The following UMAD1 variants were observed in gnomAD, a reference collection of about 807,000 sequenced individuals.
The protein encoded by UMAD1 is UBAP1-MVB12-associated (UMA)-domain containing protein 1.
A neutral mutation model predicts 6.1 loss-of-function variants in UMAD1; 8 were observed. The observed-to-expected ratio is 1.30, with a 90% CI of 0.76 to 2.35. UMAD1 has a LOEUF of 2.35. Among genes scored for constraint, UMAD1 ranks in the 30% most tolerant of loss-of-function variants. The probability of loss-of-function intolerance (pLI) is 0.00; values close to 1 mark genes in which losing one functional copy is unlikely to be tolerated. For missense variants in UMAD1, 130 were observed against 78.4 expected (o/e 1.66, Z -2.49); for synonymous variants, 56 against 31.4 (o/e 1.78, Z -2.61).
At chr7:7,673,052 T>C (rs1486993862) in intron 1 of UMAD1, among the ~76,000 whole-genome samples, 1 of 152,194 alleles carries the variant, frequency 6.6e-6, no homozygotes, top group Admixed American at 6.5e-5. Context: ...TATGTAGGGA[T>C]TTCCTGGGTT....
intron 3 of UMAD1, among the ~76,000 whole-genome samples, chr7:7,864,511 C>A (rs1784188441): frequency 6.6e-6 from 1 of 151,530 alleles, no homozygotes; most frequent in Non-Finnish European, 1.5e-5. Context: ...CGCAGACACG[C>A]CAGTTCTTCT....
At chr7:7,775,817 G>A (rs768843606) in intron 2 of UMAD1, among the ~76,000 whole-genome samples, 1 of 152,104 alleles carries the variant, frequency 6.6e-6, no homozygotes, top group Non-Finnish European at 1.5e-5. Context: ...CAGGAGAAAT[G>A]AAAAAATATA....
chr7:7,772,936 A>C (rs1182564063), intron 2 of UMAD1, among the ~76,000 whole-genome samples: 1 of 138,910 alleles, frequency 7.2e-6, no homozygotes, highest in Non-Finnish European at 1.7e-5. Context: ...CCTTAAATTT[A>C]TTCATTTTTT....
intron 2 of UMAD1, among the ~76,000 whole-genome samples, chr7:7,703,116 T>G (rs561830348): frequency 2.3e-4 from 35 of 152,324 alleles, no homozygotes; most frequent in African/African-American, 8.2e-4. Context: ...GAATGACTCT[T>G]CATATAATTG....
chr7:7,828,883 A>G (rs1783403542), intron 3 of UMAD1, among the ~76,000 whole-genome samples: 1 of 152,310 alleles, frequency 6.6e-6, no homozygotes, highest in African/African-American at 2.4e-5. Flanking sequence ...GTCAAATTCA[A>G]AAGTTTGAAC....
intron 3 of UMAD1, among the ~76,000 whole-genome samples, chr7:7,864,695 A>G (rs1243342588): frequency 6.6e-6 from 1 of 151,432 alleles, no homozygotes; most frequent in African/African-American, 2.4e-5. Flanking sequence ...TCCATGTTGT[A>G]ACATTGAATA....
chr7:7,847,938 C>T (rs1488680446), intron 3 of UMAD1, among the ~76,000 whole-genome samples: 1 of 152,102 alleles, frequency 6.6e-6, no homozygotes, highest in African/African-American at 2.4e-5. Context: ...CATGTAGCTA[C>T]AAAATTCTTA....
chr7:7,789,744 C>G (rs1033347097), intron 2 of UMAD1, among the ~76,000 whole-genome samples: 4 of 152,144 alleles, frequency 2.6e-5, no homozygotes, highest in African/African-American at 7.2e-5. Flanking sequence ...TTTTACTTAG[C>G]AATGTCTTCA....
At chr7:7,655,577 A>C (rs1396704017) in intron 1 of UMAD1, among the ~76,000 whole-genome samples, 3 of 152,168 alleles carry the variant, frequency 2.0e-5, no homozygotes. Flanking sequence ...GTTTTGGCTA[A>C]AAGTAATAAC....
chr7:7,701,429 G>A (rs1218729012), intron 2 of UMAD1, among the ~76,000 whole-genome samples: 1 of 152,112 alleles, frequency 6.6e-6, no homozygotes, highest in Non-Finnish European at 1.5e-5. Flanking sequence ...TAGTAATACT[G>A]GAACTGTCCT....
At chr7:7,817,205 A>G (rs1583847637) in intron 3 of UMAD1, among the ~76,000 whole-genome samples, 2 of 152,292 alleles carry the variant, frequency 1.3e-5, no homozygotes, top group Admixed American at 6.5e-5. Flanking sequence ...CTGCTCAAAT[A>G]TCTTTCATCT....
At chr7:7,779,595 GC>G (rs1335653974) in intron 2 of UMAD1, among the ~76,000 whole-genome samples, 2 of 151,966 alleles carry the variant, frequency 1.3e-5, no homozygotes, top group Non-Finnish European at 2.9e-5. Context: ...ACCATGCCCA[GC>G]CCCGTTTTTT....
At chr7:7,742,581 A>C in intron 2 of UMAD1, 1 of 510,726 alleles carries the variant, frequency 2.0e-6, no homozygotes, top group Non-Finnish European at 3.9e-6. Flanking sequence ...AAGGGTCAGG[A>C]CAATTTCTAG....
At chr7:7,838,984 G>A (rs570513077) in intron 3 of UMAD1, among the ~76,000 whole-genome samples, 109 of 152,224 alleles carry the variant, frequency 7.2e-4, no homozygotes, top group African/African-American at 2.5e-3. Flanking sequence ...ATTCAGATTA[G>A]CATTTACTTT....
chr7:7,709,722 C>T (rs1318708428), intron 2 of UMAD1, among the ~76,000 whole-genome samples: 1 of 151,998 alleles, frequency 6.6e-6, no homozygotes, highest in Non-Finnish European at 1.5e-5. Context: ...GACATCTTAC[C>T]AGCTATTATT....
chr7:7,810,737 G>C (rs1194759071), intron 3 of UMAD1, among the ~76,000 whole-genome samples: 1 of 152,120 alleles, frequency 6.6e-6, no homozygotes, highest in Non-Finnish European at 1.5e-5. Flanking sequence ...AGGAAACAAC[G>C]TATTCACTCA....
At chr7:7,765,311 G>A (rs1313159877) in intron 2 of UMAD1, among the ~76,000 whole-genome samples, 4 of 151,936 alleles carry the variant, frequency 2.6e-5, no homozygotes, top group Non-Finnish European at 5.9e-5. Context: ...CTTTGGCTTC[G>A]AGTGCAGTAC....
At chr7:7,758,245 T>C (rs535808414) in intron 2 of UMAD1, among the ~76,000 whole-genome samples, 2 of 152,120 alleles carry the variant, frequency 1.3e-5, no homozygotes, top group African/African-American at 4.8e-5. Context: ...TTACCTTATT[T>C]TGAGAACTAG....
intron 1 of UMAD1, among the ~76,000 whole-genome samples, chr7:7,664,371 T>A (rs1365245802): frequency 6.6e-6 from 1 of 152,164 alleles, no homozygotes; most frequent in Non-Finnish European, 1.5e-5. Context: ...TATTTTACAT[T>A]TAATCTCTCT....
Sources: gnomAD v4.1 joint callset for allele counts (sites outside exome capture counted in the v4.1 genomes callset) on GRCh38, gnomAD v4.1.1 for gene constraint, MANE v1.5 for transcripts, NCBI Gene and HGNC (gene_info 2026-07-23, HGNC 2026-07-21) for gene names.